The following TMEM132D variants were observed in gnomAD, a reference collection of about 807,000 sequenced individuals.
The protein encoded by TMEM132D is mature OL transmembrane protein.
Under a neutral mutation model 62.3 loss-of-function variants are expected in TMEM132D, and 21 were observed. That is an observed-to-expected ratio of 0.34 (90% confidence interval 0.24 to 0.49). TMEM132D has a LOEUF of 0.49. Among genes scored for constraint, TMEM132D ranks in the 20% least tolerant of loss-of-function variants. The probability of loss-of-function intolerance (pLI) is 0.99; values close to 1 mark genes in which losing one functional copy is unlikely to be tolerated. For missense variants in TMEM132D, 1,346 were observed against 1,402.8 expected, an observed-to-expected ratio of 0.96 and a Z score of 0.65; for synonymous variants, 621 against 575.6, an observed-to-expected ratio of 1.08 and a Z score of -1.13.
intron 2 of TMEM132D, among the ~76,000 whole-genome samples, chr12:129,538,732 A>T (rs765120205): frequency 3.9e-5 from 6 of 152,380 alleles, no homozygotes; most frequent in African/African-American, 9.6e-5. Flanking sequence ...TTTTCTTAGG[A>T]TGACGATGAG....
chr12:129,373,968 C>T (rs756867290), intron 3 of TMEM132D, among the ~76,000 whole-genome samples: 6 of 152,100 alleles, frequency 3.9e-5, no homozygotes, highest in Non-Finnish European at 8.8e-5. Context: ...GAGTCAATTC[C>T]TGGCTTCTAA....
intron 5 of TMEM132D, among the ~76,000 whole-genome samples, chr12:129,117,113 G>C (rs573865464): frequency 6.6e-6 from 1 of 152,196 alleles, no homozygotes; most frequent in East Asian, 1.9e-4. Flanking sequence ...AAAAGACATA[G>C]AGGAACCTTA....
intron 4 of TMEM132D, among the ~76,000 whole-genome samples, chr12:129,217,309 C>A (rs1297662485): frequency 6.6e-6 from 1 of 152,242 alleles, no homozygotes; most frequent in African/African-American, 2.4e-5. Flanking sequence ...GAACAGAAAA[C>A]AACATACCAC....
chr12:129,455,008 C>A (rs990671947), intron 3 of TMEM132D, among the ~76,000 whole-genome samples: 1 of 152,196 alleles, frequency 6.6e-6, no homozygotes, highest in African/African-American at 2.4e-5. Context: ...GGTTCAGCCC[C>A]GTCTCTCAGG....
chr12:129,199,019 C>T (rs10847792), intron 5 of TMEM132D, among the ~76,000 whole-genome samples: 141,545 of 151,784 alleles, frequency 0.93, 66,114 homozygotes, highest in East Asian at 0.96. Flanking sequence ...AAGAAGCAAA[C>T]GCTTACCTGC....
intron 1 of TMEM132D, among the ~76,000 whole-genome samples, chr12:129,839,371 C>G (rs1333908311): frequency 6.6e-6 from 1 of 151,668 alleles, no homozygotes; most frequent in African/African-American, 2.4e-5. Flanking sequence ...TGTGATCCGC[C>G]TGCCTCGGCC....
chr12:129,406,619 CAA>C (rs772303670), intron 3 of TMEM132D, among the ~76,000 whole-genome samples: 21 of 101,994 alleles, frequency 2.1e-4, no homozygotes, highest in Admixed American at 2.2e-4. Context: ...GACTCCACCT[CAA>C]AAAAAAAAAA....
At chr12:129,402,003 C>G (rs765933261) in intron 3 of TMEM132D, among the ~76,000 whole-genome samples, 1 of 152,188 alleles carries the variant, frequency 6.6e-6, no homozygotes, top group Non-Finnish European at 1.5e-5. Context: ...GAGGGTGGCA[C>G]GTTCTCAGTG....
intron 5 of TMEM132D, among the ~76,000 whole-genome samples, chr12:129,187,078 C>T (rs1878241159): frequency 6.6e-6 from 1 of 152,158 alleles, no homozygotes; most frequent in African/African-American, 2.4e-5. Context: ...CTACTTCTTC[C>T]CAGGCACACG....
At chr12:129,451,042 G>C (rs150228041) in intron 3 of TMEM132D, among the ~76,000 whole-genome samples, 19 of 151,970 alleles carry the variant, frequency 1.3e-4, no homozygotes, top group Non-Finnish European at 2.6e-4. Flanking sequence ...GATTACAGGC[G>C]TGAGCCACCG....
At chr12:129,792,206 G>A (rs2059091999) in intron 1 of TMEM132D, among the ~76,000 whole-genome samples, 1 of 152,178 alleles carries the variant, frequency 6.6e-6, no homozygotes, top group Non-Finnish European at 1.5e-5. Context: ...AGGTTGCTCT[G>A]TTGCTTTCCT....
Position 129,869,408 on chromosome 12 carries a change from T to C in TMEM132D, c.79+33853A>G, listed in dbSNP as rs138691704. Among the ~76,000 whole-genome samples the C allele has an allele frequency of 4.2e-3, 639 of 152,340 alleles. 4 individuals carry two copies. The highest frequency in any genetic ancestry group is 0.015 in the African/African-American group (618 of 41,584). The stretch of plus-strand genomic sequence containing the variant: ...TTCCTGATATCAAATGAAATAGTAT[T>C]TGCATATAACCTATGCACATCTTCC... On this transcript the variant is annotated intron_variant, in intron 1 of 8. Transcript: ENST00000422113.
chr12:129,774,040 ACCATGGTGAAC>A (rs1465154270), intron 1 of TMEM132D, among the ~76,000 whole-genome samples: 2 of 152,214 alleles, frequency 1.3e-5, no homozygotes, highest in Non-Finnish European at 2.9e-5. Flanking sequence ...GGTTGTGGAA[ACCATGGTGAAC>A]CAAAAAGCAG....
chr12:129,882,416 C>G (rs1286627364), intron 1 of TMEM132D, among the ~76,000 whole-genome samples: 1 of 151,950 alleles, frequency 6.6e-6, no homozygotes, highest in Non-Finnish European at 1.5e-5. Context: ...AATTATATGC[C>G]ATCACTAAAT....
intron 2 of TMEM132D, among the ~76,000 whole-genome samples, chr12:129,646,211 T>A (rs1470106272): frequency 6.6e-6 from 1 of 152,212 alleles, no homozygotes; most frequent in East Asian, 1.9e-4. Flanking sequence ...TCCCATTACA[T>A]TTTTCTGCCC....
At chr12:129,482,370 T>C (rs1043808974) in intron 3 of TMEM132D, among the ~76,000 whole-genome samples, 2 of 152,228 alleles carry the variant, frequency 1.3e-5, no homozygotes, top group African/African-American at 2.4e-5. Flanking sequence ...TCTGAAGGCA[T>C]AACAAAGCAT....
chr12:129,871,945 T>C (rs1196796283), intron 1 of TMEM132D, among the ~76,000 whole-genome samples: 1 of 152,164 alleles, frequency 6.6e-6, no homozygotes, highest in Non-Finnish European at 1.5e-5. Context: ...AGGAAAGGGA[T>C]GGAACAGACA....
At chr12:129,755,903 G>A (rs1258878811) in intron 1 of TMEM132D, among the ~76,000 whole-genome samples, 1 of 152,118 alleles carries the variant, frequency 6.6e-6, no homozygotes, top group Non-Finnish European at 1.5e-5. Context: ...CACACGTGGG[G>A]AAAATTCCCC....
chr12:129,543,060 A>AT (rs1876625789), intron 2 of TMEM132D, among the ~76,000 whole-genome samples: 1 of 151,366 alleles, frequency 6.6e-6, no homozygotes, highest in Non-Finnish European at 1.5e-5. Flanking sequence ...TACTCCTGTC[A>AT]TTAAGCAATG....
Sources: gnomAD v4.1 joint callset for allele counts (sites outside exome capture counted in the v4.1 genomes callset) on GRCh38, gnomAD v4.1.1 for gene constraint, MANE v1.5 for transcripts, NCBI Gene and HGNC (gene_info 2026-07-23, HGNC 2026-07-21) for gene names.